The following MIDEAS variants were observed in gnomAD, a reference collection of about 807,000 sequenced individuals.
MIDEAS encodes the protein mitotic deacetylase associated SANT domain protein.
In MIDEAS, 26 loss-of-function variants were observed where a neutral mutation model predicts 102.7. The observed-to-expected ratio is 0.25, with a 90% CI of 0.19 to 0.35. The LOEUF (loss-of-function observed/expected upper bound fraction) is 0.35, where lower values mean the gene tolerates loss of function less well. Ranked by LOEUF, MIDEAS falls within the 10% of genes least tolerant of loss-of-function variation. The pLI, the probability that MIDEAS is intolerant of heterozygous loss-of-function variation, is 1.00. For synonymous variants in MIDEAS, 585 were observed against 591.0 expected, an observed-to-expected ratio of 0.99 and a Z score of 0.15; for missense variants, 1,231 against 1,435.6, an observed-to-expected ratio of 0.86 and a Z score of 2.30.
chr14:73,729,900 G>T lies in MIDEAS; in HGVS notation c.1835C>A (p.Pro612His), dbSNP rs1421365902. ...GGCGATGAAAGTGCCCGCCTTGGTG[G>T]GGATGATGAGGGGCTCGGGCCTGGG... ...QRPRPEPLIIPTKAGTFIAPP... is the reference protein window; with the variant it reads ...QRPRPEPLIIHTKAGTFIAPP... The change falls in exon 4 of 13, where the codon CCC (proline) becomes CAC (histidine). Residue 612 changes from proline (P) to histidine (H), a missense_variant. Pro to His is a moderately conservative substitution (Grantham distance 77, BLOSUM62 -2). Transcript: ENST00000423556. The T allele has an allele frequency of 6.2e-7, 1 of 1,612,762 alleles. No individual in the cohort carries two copies. Among genetic ancestry groups the T allele is most frequent in the Non-Finnish European group, 8.5e-7 (1 of 1,179,110 alleles).
At chr14:73,770,414 A>G (rs17093880) in intron 1 of MIDEAS, among the ~76,000 whole-genome samples, 1,751 of 152,248 alleles carry the variant, frequency 0.012, 17 homozygotes, top group East Asian at 0.04. Flanking sequence ...TGTAAGGGCC[A>G]CTGAACAGGA....
rs753111229 is a variant in MIDEAS at position 73,729,999 on chromosome 14, GA to G, written c.1750-15del. ...CATGTCCTCTGCCTGGAGAAGGAAA[GA>G]AAACAAGGACGGCTCAGCCCCCCGT... On this transcript the variant is annotated splice_polypyrimidine_tract_variant and intron_variant, in intron 3 of 12. Coordinates refer to ENST00000423556, the MANE Select transcript of MIDEAS (RefSeq NM_001367710.1). 6.2e-6 allele frequency: 10 copies of G among 1,603,404 alleles called. No individual in the cohort carries two copies. Among genetic ancestry groups the G allele is most frequent in the Non-Finnish European group, 8.5e-6 (10 of 1,172,914 alleles).
intron 3 of MIDEAS, among the ~76,000 whole-genome samples, chr14:73,734,658 T>G (rs918372540): frequency 1.4e-4 from 21 of 152,106 alleles, no homozygotes; most frequent in African/African-American, 4.8e-4. Flanking sequence ...CTCGAACTCC[T>G]GGGCTCAAGC....
In MIDEAS at chr14:73,782,474, C is replaced by T. The variant is rs531810063; in HGVS notation, c.-248+4628G>A. On this transcript the variant is annotated intron_variant, in intron 1 of 11. Transcript: ENST00000394071. ...TCCCAAGTAACTGGGACTACAGGCA[C>T]GTGCCACCGTGCCTGACTAATTTTT... Among the ~76,000 whole-genome samples, 142 of 152,134 alleles carry T rather than the reference C, an allele frequency of 9.3e-4. 1 individual carries two copies. The highest frequency in any genetic ancestry group is 3.2e-3 in the African/African-American group (134 of 41,484).
intron 10 of MIDEAS, 69 bp downstream of exon 10, chr14:73,722,629 G>C: frequency 1.3e-6 from 2 of 1,566,098 alleles, no homozygotes; most frequent in Non-Finnish European, 1.7e-6. Context: ...TCGGGCTCGG[G>C]CTCCCAGCTC....
At position 73,724,884 on chromosome 14, in the gene MIDEAS, G is replaced by A. The variant is rs780961800; in HGVS notation, c.2574+388C>T. 6 of 201,704 alleles carry A rather than the reference G, an allele frequency of 3.0e-5. No homozygotes were observed. The South Asian group carries it at 3.3e-4, about 11-fold the overall frequency. 12.5% of individuals were successfully genotyped at this position (201,704 alleles called of 1,614,324 possible). On this transcript the variant is annotated intron_variant, in intron 9 of 12. Transcript: ENST00000423556. Reference sequence around the variant, plus strand: ...GGGCAGAGGCCCCCAGGTCAGCTCCGCAGGCACTTGCTGGCTCTCAGTGGC... The same window carrying A: ...GGGCAGAGGCCCCCAGGTCAGCTCCACAGGCACTTGCTGGCTCTCAGTGGC...
intron 9 of MIDEAS, chr14:73,723,569 G>A (rs926119382): frequency 3.9e-5 from 6 of 152,256 alleles, no homozygotes; most frequent in Admixed American, 2.6e-4. Context: ...CAGGATGACT[G>A]TAACTTACTT....
At chr14:73,737,877 G>T (rs1366582112) in intron 2 of MIDEAS, among the ~76,000 whole-genome samples, 3 of 150,050 alleles carry the variant, frequency 2.0e-5, no homozygotes, top group African/African-American at 4.9e-5. Flanking sequence ...TGCCTCCCAG[G>T]TTCTAATGAT....
intron 3 of MIDEAS, among the ~76,000 whole-genome samples, chr14:73,733,395 C>T (rs911366352): frequency 2.6e-5 from 4 of 152,062 alleles, no homozygotes; most frequent in African/African-American, 9.7e-5. Context: ...CAAGACCAGC[C>T]AGGCCAACAT....
intron 12 of MIDEAS, 68 bp from the exon 13 acceptor site, chr14:73,719,076 A>C: frequency 6.9e-7 from 1 of 1,446,972 alleles, no homozygotes; most frequent in Non-Finnish European, 9.0e-7. Flanking sequence ...CGGGTGCGCG[A>C]GGAGCCCCAG....
intron 1 of MIDEAS, among the ~76,000 whole-genome samples, chr14:73,748,862 C>A (rs931099964): frequency 2.0e-5 from 3 of 152,056 alleles, no homozygotes; most frequent in Non-Finnish European, 2.9e-5. Flanking sequence ...AAGTGTCCGT[C>A]CCTCAGGAGG....
chr14:73,726,352 C>G (rs1263244492), intron 7 of MIDEAS, among the ~76,000 whole-genome samples: 1 of 152,174 alleles, frequency 6.6e-6, no homozygotes, highest in Non-Finnish European at 1.5e-5. Context: ...GGAGAAGGCT[C>G]TCAGCAACCA....
At chr14:73,747,624 G>C (rs1165514367) in intron 1 of MIDEAS, among the ~76,000 whole-genome samples, 5 of 150,996 alleles carry the variant, frequency 3.3e-5, no homozygotes, top group Non-Finnish European at 7.4e-5. Flanking sequence ...ATGTCAAGCA[G>C]TGGTTCTTAA....
upstream of MIDEAS, among the ~76,000 whole-genome samples, chr14:73,762,849 A>G (rs2053565155): frequency 6.6e-6 from 1 of 152,208 alleles, no homozygotes; most frequent in Non-Finnish European, 1.5e-5. Flanking sequence ...TCCAGTTACC[A>G]GGGAGTGTGA....
intron 1 of MIDEAS, among the ~76,000 whole-genome samples, chr14:73,757,711 G>A (rs2053502553): frequency 6.6e-6 from 1 of 152,164 alleles, no homozygotes; most frequent in Non-Finnish European, 1.5e-5. Flanking sequence ...CCCCTCTTCT[G>A]TCAGAGGTCT....
chr14:73,775,826 C>G (rs1287004298), intron 1 of MIDEAS, among the ~76,000 whole-genome samples: 6 of 151,996 alleles, frequency 3.9e-5, no homozygotes, highest in East Asian at 1.9e-4. Context: ...TATCTGACAC[C>G]TCTTGTTTTT....
chr14:73,746,302 C>T (rs910261610), intron 1 of MIDEAS, among the ~76,000 whole-genome samples: 2 of 152,194 alleles, frequency 1.3e-5, no homozygotes, highest in African/African-American at 4.8e-5. Context: ...CAGTCATGAG[C>T]AAAGCCAGAA....
Position 73,725,166 on chromosome 14 carries a change from T to TG in MIDEAS, c.2574+105_2574+106insC. The TG allele has an allele frequency of 1.2e-6, 1 of 824,030 alleles. No individual in the cohort carries two copies. Among genetic ancestry groups the TG allele is most frequent in the Admixed American group, 1.8e-5 (1 of 56,986 alleles). 51.0% of individuals were successfully genotyped at this position (824,030 alleles called of 1,614,324 possible). A position where few individuals can be genotyped will look rare whatever the true frequency, so the allele number is the denominator to read the frequency against. ...TTCTCTCTGAGGCTACTCAGTAGCA[T>TG]TGACCTGACTGCTTTTTAAGAGGGA... On this transcript the variant is annotated intron_variant, in intron 9 of 12. Transcript: ENST00000423556. This position sits in a 1 kb window ranked among gnomAD's most constrained non-coding sequence, Gnocchi z 4.1.
chr14:73,753,016 A>G (rs765189941), intron 1 of MIDEAS, among the ~76,000 whole-genome samples: 3 of 152,168 alleles, frequency 2.0e-5, no homozygotes, highest in Non-Finnish European at 2.9e-5. Flanking sequence ...GATTCCCCAG[A>G]GCTGTTCTCA....
Sources: gnomAD v4.1 joint callset for allele counts (sites outside exome capture counted in the v4.1 genomes callset) on GRCh38, gnomAD v4.1.1 for gene constraint, Gnocchi (gnomAD v3.1) non-coding constraint, MANE v1.5 for transcripts, NCBI Gene and HGNC (gene_info 2026-07-23, HGNC 2026-07-21) for gene names.